PCDHGA11: variants seen among roughly 807,000 people sequenced by gnomAD.
The protein encoded by PCDHGA11 is protocadherin gamma-A11.
A neutral mutation model predicts 60.4 loss-of-function variants in PCDHGA11; 39 were observed. That is an observed-to-expected ratio of 0.65 (90% confidence interval 0.50 to 0.84). The LOEUF (loss-of-function observed/expected upper bound fraction) is 0.84, where lower values mean the gene tolerates loss of function less well. Among genes scored for constraint, PCDHGA11 ranks in the 40% least tolerant of loss-of-function variants. The pLI is 0.00. For missense variants in PCDHGA11, 1,165 were observed against 1,197.7 expected (o/e 0.97, Z 0.40); for synonymous variants, 533 against 510.3 (o/e 1.04, Z -0.60).
In PCDHGA11 at chr5:141,477,211, C is replaced by T. The variant is rs1282763530; in HGVS notation, c.2434-17596C>T. On this transcript the variant is annotated intron_variant, in intron 1 of 3. Coordinates refer to ENST00000398587, the MANE Select transcript of PCDHGA11 (RefSeq NM_018914.3). The surrounding 1 kb of genome is among the most constrained non-coding windows in gnomAD (Gnocchi z 4.9). ...TGTACAGCCCAGTACCCGAGGATGC[C>T]CCTCTGGGGACTGTCATCGCTTTGC... 2 of 1,614,154 alleles carry T rather than the reference C, an allele frequency of 1.2e-6. No individual in the cohort carries two copies. Among genetic ancestry groups the T allele is most frequent in the East Asian group, 4.5e-5 (2 of 44,870 alleles).
In PCDHGA11 at chr5:141,491,511, C is replaced by G. The variant is rs777448782; in HGVS notation, c.2434-3296C>G. 6.2e-7 allele frequency: 1 copy of G among 1,614,080 alleles called. No individual in the cohort carries two copies. The highest frequency in any genetic ancestry group is 8.5e-7 in the Non-Finnish European group (1 of 1,180,018). ...TGCAGGTGAGCTCGGACGGCACGCT[C>G]AAGTACATGGAGGTGACGCTGCGGC... On this transcript the variant is annotated intron_variant, in intron 1 of 3. Transcript: ENST00000398587. This position sits in a 1 kb window ranked among gnomAD's most constrained non-coding sequence, Gnocchi z 6.9.
Position 141,431,135 on chromosome 5 carries a change from A to G in PCDHGA11, c.2433+7475A>G, listed in dbSNP as rs140069213. The G allele has an allele frequency of 1.5e-5, 24 of 1,614,266 alleles. No homozygotes were observed. In the African/African-American group the frequency reaches 3.1e-4, roughly 21 times the overall value. Reference sequence around the variant, plus strand: ...TGGAGTAGAAGTAGAAGTAAGGGACATTAACGACAATGCGCCTTACTTTCG... The same window carrying G: ...TGGAGTAGAAGTAGAAGTAAGGGACGTTAACGACAATGCGCCTTACTTTCG... On this transcript the variant is annotated intron_variant, in intron 1 of 3. Transcript: ENST00000398587. This position sits in a 1 kb window ranked among gnomAD's most constrained non-coding sequence, Gnocchi z 4.8.
At chr5:141,430,767 C>T in intron 1 of PCDHGA11, 1 of 1,506,782 alleles carries the variant, frequency 6.6e-7, no homozygotes, top group Non-Finnish European at 8.9e-7. Flanking sequence ...AGAATGATTC[C>T]TGCGCGACTG....
rs200045647 is a variant in PCDHGA11, at chr5:141,490,150, G to A, written c.2434-4657G>A. 50 of 1,614,246 alleles carry A rather than the reference G, an allele frequency of 3.1e-5. No individual in the cohort carries two copies. The Admixed American group carries it at 7.7e-4, about 25-fold the overall frequency. On this transcript the variant is annotated intron_variant, in intron 1 of 3. Transcript: ENST00000398587. The surrounding 1 kb of genome is among the most constrained non-coding windows in gnomAD (Gnocchi z 5.4). ...AGACCCTAGCAGTGGGGCAATCCAT[G>A]TGTTGGGTCCCATAGACTTTGAGGA...
At chr5:141,453,807 A>G (rs752553367) in intron 1 of PCDHGA11, among the ~76,000 whole-genome samples, 3 of 152,250 alleles carry the variant, frequency 2.0e-5, no homozygotes, top group Non-Finnish European at 4.4e-5. Flanking sequence ...GAGTAGTTCC[A>G]TAAAGGACAA....
chr5:141,447,738 A>C (rs1365302023), intron 1 of PCDHGA11, among the ~76,000 whole-genome samples: 7 of 152,216 alleles, frequency 4.6e-5, no homozygotes, highest in Non-Finnish European at 8.8e-5. Context: ...ATTGAACTTA[A>C]GAGTCTTGCA....
At chr5:141,430,484 C>T (rs894612928) in intron 1 of PCDHGA11, 2 of 256,238 alleles carry the variant, frequency 7.8e-6, no homozygotes, top group African/African-American at 4.4e-5. Context: ...GATATAAAAA[C>T]GAAATATCCT....
intron 1 of PCDHGA11, among the ~76,000 whole-genome samples, chr5:141,449,003 T>A (rs2098622649): frequency 1.3e-5 from 2 of 152,280 alleles, no homozygotes; most frequent in African/African-American, 4.8e-5. Context: ...AAAGCTGTTT[T>A]TTTTAACAGT....
chr5:141,501,635 T>G (rs553343946), intron 2 of PCDHGA11, among the ~76,000 whole-genome samples: 1 of 152,236 alleles, frequency 6.6e-6, no homozygotes, highest in African/African-American at 2.4e-5. Flanking sequence ...TCTCAACCTC[T>G]CTGAGCCCTG....
chr5:141,450,815 ATAT>A (rs1420984335), intron 1 of PCDHGA11, among the ~76,000 whole-genome samples: 6 of 126,742 alleles, frequency 4.7e-5, no homozygotes, highest in South Asian at 2.4e-4. Flanking sequence ...TATTTATTTA[ATAT>A]TATTATTATT....
intron 2 of PCDHGA11, among the ~76,000 whole-genome samples, chr5:141,503,361 C>T (rs1021880248): frequency 6.6e-6 from 1 of 151,886 alleles, no homozygotes; most frequent in Non-Finnish European, 1.5e-5. Context: ...CTTTGGGAAG[C>T]GGAGGCAGGT....
At position 141,421,065 on chromosome 5, in the gene PCDHGA11, A is replaced by C; in HGVS notation, c.-163A>C. ...CCCCCGCCTCTACCACACAAAGCGG[A>C]ATGAGATGGATACTCACAGATCCTG... On this transcript the variant is annotated 5_prime_UTR_variant, in exon 1 of 4. Transcript: ENST00000398587. 1 of 591,556 alleles carries C rather than the reference A, an allele frequency of 1.7e-6. No individual in the cohort carries two copies. The allele number at this position is 591,556 out of a possible 1,614,324, so 36.6% of individuals were successfully genotyped here.
Position 141,489,172 on chromosome 5 carries a change from T to G in PCDHGA11, c.2434-5635T>G. 1 of 1,199,026 alleles carries G rather than the reference T, an allele frequency of 8.3e-7. No individual in the cohort carries two copies. Among genetic ancestry groups the G allele is most frequent in the East Asian group, 2.4e-5 (1 of 42,106 alleles). The allele number at this position is 1,199,026 out of a possible 1,614,324, so 74.3% of individuals were successfully genotyped here. ...ACATAAGAGACTTCAGCTGCTGCATTCCAAGCCCTGGGTCTACCTTGGAGA... is the reference window on the plus strand; with the variant it reads ...ACATAAGAGACTTCAGCTGCTGCATGCCAAGCCCTGGGTCTACCTTGGAGA... On this transcript the variant is annotated intron_variant, in intron 1 of 3. Coordinates refer to ENST00000398587, the MANE Select transcript of PCDHGA11 (RefSeq NM_018914.3). This position sits in a 1 kb window ranked among gnomAD's most constrained non-coding sequence, Gnocchi z 4.5.
At chr5:141,429,445 G>C (rs2097215795) in intron 1 of PCDHGA11, among the ~76,000 whole-genome samples, 1 of 151,758 alleles carries the variant, frequency 6.6e-6, no homozygotes, top group Admixed American at 6.6e-5. Context: ...AAACTCTTGG[G>C]CTACAGTAAT....
Position 141,432,856 on chromosome 5 carries a change from G to A in PCDHGA11, c.2433+9196G>A, listed in dbSNP as rs773243805. 8.7e-6 allele frequency: 14 copies of A among 1,614,024 alleles called. No homozygotes were observed. The highest frequency in any genetic ancestry group is 1.3e-5 in the African/African-American group (1 of 74,908). ...TGTACCTGGTGGTAGCGGTGGCCGC[G>A]GTCTCCTGCGTCTTCCTGGCCTTCG... On this transcript the variant is annotated intron_variant, in intron 1 of 3. Coordinates refer to ENST00000398587, the MANE Select transcript of PCDHGA11 (RefSeq NM_018914.3). The surrounding 1 kb of genome is among the most constrained non-coding windows in gnomAD (Gnocchi z 6.0).
At chr5:141,428,100 G>A (rs1313410784) in intron 1 of PCDHGA11, 6 of 1,608,582 alleles carry the variant, frequency 3.7e-6, no homozygotes, top group East Asian at 2.2e-5. Context: ...GTCCTACCAC[G>A]TGCTGCAGGC....
chr5:141,483,509 C>A (rs2099582178), intron 1 of PCDHGA11, among the ~76,000 whole-genome samples: 1 of 147,450 alleles, frequency 6.8e-6, no homozygotes, highest in African/African-American at 2.5e-5. Flanking sequence ...AGGCTGATCC[C>A]CCTAGATCCT....
Position 141,486,747 on chromosome 5 carries a change from A to G in PCDHGA11, c.2434-8060A>G, listed in dbSNP as rs750666508. The G allele has an allele frequency of 3.1e-6, 5 of 1,614,210 alleles. No homozygotes were observed. The highest frequency in any genetic ancestry group is 4.2e-6 in the Non-Finnish European group (5 of 1,180,034). On this transcript the variant is annotated intron_variant, in intron 1 of 3. Transcript: ENST00000398587. This position sits in a 1 kb window ranked among gnomAD's most constrained non-coding sequence, Gnocchi z 5.0. Reference sequence around the variant, plus strand: ...GTTCATGCTACTCGATCCTTTGACTATGAGCAAACCCAGACACTGCAGTTT... The same window carrying G: ...GTTCATGCTACTCGATCCTTTGACTGTGAGCAAACCCAGACACTGCAGTTT...
At position 141,486,238 on chromosome 5, in the gene PCDHGA11, G is replaced by C. The variant is rs1414434705; in HGVS notation, c.2434-8569G>C. 6.2e-7 allele frequency: 1 copy of C among 1,614,058 alleles called. No homozygotes were observed. The highest frequency in any genetic ancestry group is 8.5e-7 in the Non-Finnish European group (1 of 1,180,024). On this transcript the variant is annotated intron_variant, in intron 1 of 3. Coordinates refer to ENST00000398587, the MANE Select transcript of PCDHGA11 (RefSeq NM_018914.3). This position sits in a 1 kb window ranked among gnomAD's most constrained non-coding sequence, Gnocchi z 5.0. ...CCCCTTACATCACAGTGACCTCAGA[G>C]CTTGGAACCCTCCCCGAGAGTGCAG... is the stretch of plus-strand genomic sequence containing the variant.
Sources: allele counts gnomAD v4.1 joint callset (sites outside exome capture counted in the v4.1 genomes callset), GRCh38; gene constraint gnomAD v4.1.1; non-coding constraint Gnocchi (gnomAD v3.1); transcripts MANE v1.5; gene names NCBI Gene and HGNC (gene_info 2026-07-23, HGNC 2026-07-21).